TMED3: variants seen among roughly 807,000 people sequenced by gnomAD.
TMED3 encodes transmembrane p24 trafficking protein 3, also known as transmembrane emp24 domain-containing protein 3.
In TMED3, 9 loss-of-function variants were observed where a neutral mutation model predicts 15.0. The ratio of observed to expected loss-of-function variants is 0.60; its 90% CI spans 0.36 to 1.04. TMED3 has a LOEUF of 1.04. TMED3 is among the 50% of genes least tolerant of loss of function. The probability of loss-of-function intolerance (pLI) is 0.01; values close to 1 mark genes in which losing one functional copy is unlikely to be tolerated. For missense variants in TMED3, 267 were observed against 278.9 expected (o/e 0.96, Z 0.30); for synonymous variants, 117 against 121.4 (o/e 0.96, Z 0.24).
In TMED3 at chr15:79,359,185, T is replaced by G. The variant is rs187871922; in HGVS notation, c.417+45180T>G. Among the ~76,000 whole-genome samples the G allele has an allele frequency of 2.0e-5, 3 of 151,760 alleles. No homozygotes were observed. In the East Asian group the frequency reaches 5.8e-4, roughly 29 times the overall value. Reference sequence around the variant, plus strand: ...AACAAAAGTGGACTGTGTGCTTATTTGCATACCAGAGGAGAGGTACAGTTT... The same window carrying G: ...AACAAAAGTGGACTGTGTGCTTATTGGCATACCAGAGGAGAGGTACAGTTT... On this transcript the variant is annotated intron_variant, in intron 2 of 2. Transcript: ENST00000424155.
chr15:79,353,018 A>AAATATATATATTTTATATATATTATATAT (rs1555422895), intron 2 of TMED3, among the ~76,000 whole-genome samples: 1 of 106,588 alleles, frequency 9.4e-6, no homozygotes, highest in Non-Finnish European at 1.7e-5. Flanking sequence ...ATATTATATA[A>AAATATATATATTTTATATATATTATATAT]AATATATATA....
At chr15:79,338,408 C>G (rs1200639476) in intron 2 of TMED3, among the ~76,000 whole-genome samples, 1 of 152,174 alleles carries the variant, frequency 6.6e-6, no homozygotes, top group Non-Finnish European at 1.5e-5. Flanking sequence ...GCCCTGGCTT[C>G]ACCTCTTAGG....
chr15:79,391,429 A>G (rs1236927931), intron 2 of TMED3, among the ~76,000 whole-genome samples: 1 of 152,132 alleles, frequency 6.6e-6, no homozygotes, highest in East Asian at 1.9e-4. Flanking sequence ...CTGTGGTCTG[A>G]GAGCATGCTT....
chr15:79,379,509 A>G (rs1054368767), intron 2 of TMED3, among the ~76,000 whole-genome samples: 2 of 152,230 alleles, frequency 1.3e-5, no homozygotes, highest in African/African-American at 2.4e-5. Flanking sequence ...CTTGTAAGAT[A>G]TATTACTACG....
At chr15:79,394,643 A>G (rs1893739583) in intron 2 of TMED3, among the ~76,000 whole-genome samples, 1 of 152,230 alleles carries the variant, frequency 6.6e-6, no homozygotes, top group Non-Finnish European at 1.5e-5. Context: ...AGAAGCAGCT[A>G]CAAATGGAGA....
chr15:79,411,505 CAG>C (rs1893978889), exon 3 of TMED3: 2 of 702,156 alleles, frequency 2.8e-6, no homozygotes, highest in African/African-American at 1.7e-5. Flanking sequence ...ACCCTCCTAA[CAG>C]ATTTTCAGCG....
At chr15:79,353,072 T>C (rs1357053084) in intron 2 of TMED3, among the ~76,000 whole-genome samples, 2 of 105,708 alleles carry the variant, frequency 1.9e-5, no homozygotes, top group African/African-American at 7.8e-5. Flanking sequence ...TATAAAAATA[T>C]ATATTATATA....
chr15:79,342,442 A>G (rs957265697), intron 2 of TMED3, among the ~76,000 whole-genome samples: 1 of 152,222 alleles, frequency 6.6e-6, no homozygotes, highest in Non-Finnish European at 1.5e-5. Flanking sequence ...ACTTTATGCT[A>G]AAATAACTTC....
At chr15:79,355,111 T>C (rs1196361694) in intron 2 of TMED3, among the ~76,000 whole-genome samples, 1 of 152,114 alleles carries the variant, frequency 6.6e-6, no homozygotes, top group Non-Finnish European at 1.5e-5. Flanking sequence ...TAATATCCCA[T>C]TATTGAGAAC....
At chr15:79,364,859 C>G (rs1215304415) in intron 2 of TMED3, among the ~76,000 whole-genome samples, 1 of 152,172 alleles carries the variant, frequency 6.6e-6, no homozygotes, top group Non-Finnish European at 1.5e-5. Flanking sequence ...ATTCATCCTT[C>G]AAGCCCATGT....
chr15:79,315,694 C>A (rs899950559), intron 2 of TMED3, among the ~76,000 whole-genome samples: 9 of 152,194 alleles, frequency 5.9e-5, no homozygotes, highest in African/African-American at 2.2e-4. Flanking sequence ...AGAACCTCTT[C>A]TTTGCTCCTG....
At position 79,322,643 on chromosome 15, in the gene TMED3, T is replaced by C; in HGVS notation, c.*429T>C. 1.0e-6 allele frequency: 1 copy of C among 991,162 alleles called. No homozygotes were observed. The highest frequency in any genetic ancestry group is 1.2e-6 in the Non-Finnish European group (1 of 834,042). 61.4% of individuals were successfully genotyped at this position (991,162 alleles called of 1,614,324 possible). ...AGAAAGGGGCTCTAAGTTCTGGCTC[T>C]TCTTTCTTTGGGGTTCTCTGTACCT... is the stretch of plus-strand genomic sequence containing the variant. On this transcript the variant is annotated 3_prime_UTR_variant, in exon 3 of 3. Coordinates refer to ENST00000299705, the MANE Select transcript of TMED3 (RefSeq NM_007364.4).
chr15:79,365,218 T>C (rs574557084), intron 2 of TMED3, among the ~76,000 whole-genome samples: 1 of 152,326 alleles, frequency 6.6e-6, no homozygotes, highest in Non-Finnish European at 1.5e-5. Context: ...ACAGGACAGC[T>C]CAAAGCAGGG....
At chr15:79,333,142 A>G (rs2058815596) in intron 2 of TMED3, among the ~76,000 whole-genome samples, 1 of 152,236 alleles carries the variant, frequency 6.6e-6, no homozygotes, top group South Asian at 2.1e-4. Flanking sequence ...GTCGGAGTGC[A>G]TCTGTGCTAG....
At chr15:79,340,336 C>T (rs2058847060) in intron 2 of TMED3, among the ~76,000 whole-genome samples, 2 of 152,170 alleles carry the variant, frequency 1.3e-5, no homozygotes, top group South Asian at 2.1e-4. Context: ...GTGGGAATTT[C>T]GGGGCCAGTC....
At chr15:79,315,348 A>G (rs1035333586) in intron 2 of TMED3, among the ~76,000 whole-genome samples, 1 of 152,200 alleles carries the variant, frequency 6.6e-6, no homozygotes, top group African/African-American at 2.4e-5. Flanking sequence ...CATGCATAGA[A>G]AGTTCCATTG....
At chr15:79,411,854 C>G in exon 3 of TMED3, 1 of 225,332 alleles carries the variant, frequency 4.4e-6, no homozygotes, top group Non-Finnish European at 9.1e-6. Context: ...TCCCTCTAGG[C>G]TCGACTTGCT....
chr15:79,378,132 CA>C (rs1893462664), intron 2 of TMED3, among the ~76,000 whole-genome samples: 1 of 152,152 alleles, frequency 6.6e-6, no homozygotes, highest in Admixed American at 6.5e-5. Context: ...AACATCTAAA[CA>C]ATTTCCTATG....
chr15:79,359,934 T>A (rs759963427), intron 2 of TMED3, among the ~76,000 whole-genome samples: 6 of 152,206 alleles, frequency 3.9e-5, no homozygotes, highest in Non-Finnish European at 7.3e-5. Flanking sequence ...GAGGAATGTC[T>A]GATAAATTTT....
Sources: gnomAD v4.1 joint callset for allele counts (sites outside exome capture counted in the v4.1 genomes callset) on GRCh38, gnomAD v4.1.1 for gene constraint, MANE v1.5 for transcripts, NCBI Gene and HGNC (gene_info 2026-07-23, HGNC 2026-07-21) for gene names.